TULP4: variants seen among roughly 807,000 people sequenced by gnomAD.
TULP4 encodes tubby-related protein 4.
Under a neutral mutation model 129.0 loss-of-function variants are expected in TULP4, and 16 were observed. That is an observed-to-expected ratio of 0.12 (90% CI 0.08 to 0.19). The LOEUF is 0.19. Among genes scored for constraint, TULP4 ranks in the 10% least tolerant of loss-of-function variants. The probability of loss-of-function intolerance (pLI) is 1.00; values close to 1 mark genes in which losing one functional copy is unlikely to be tolerated. For missense variants in TULP4, 1,842 were observed against 2,059.1 expected, an observed-to-expected ratio of 0.89 and a Z score of 2.04; for synonymous variants, 998 against 854.0, an observed-to-expected ratio of 1.17 and a Z score of -2.94.
At chr6:158,295,003 G>A (rs1218747585) in intron 1 of TULP4, among the ~76,000 whole-genome samples, 1 of 152,194 alleles carries the variant, frequency 6.6e-6, no homozygotes, top group Admixed American at 6.5e-5. Context: ...GAGCCACCTT[G>A]CCTGGCTTCC....
At chr6:158,440,727 T>C (rs576662560) in intron 3 of TULP4, among the ~76,000 whole-genome samples, 2 of 152,366 alleles carry the variant, frequency 1.3e-5, no homozygotes, top group South Asian at 2.1e-4. Flanking sequence ...CCTTCAGGGC[T>C]ATCTTTATCC....
intron 5 of TULP4, among the ~76,000 whole-genome samples, chr6:158,457,632 TC>T (rs1779322304): frequency 2.0e-5 from 3 of 152,208 alleles, no homozygotes; most frequent in Admixed American, 6.5e-5. Flanking sequence ...AGCCAGTTCA[TC>T]CCTCAGTGGC....
chr6:158,385,257 A>C (rs1010665092), intron 1 of TULP4, among the ~76,000 whole-genome samples: 4 of 152,218 alleles, frequency 2.6e-5, no homozygotes, highest in African/African-American at 9.6e-5. Context: ...AGTTTATTAC[A>C]AGTAAAACAT....
chr6:158,426,225 C>G (rs2115047991), intron 2 of TULP4, among the ~76,000 whole-genome samples: 1 of 152,148 alleles, frequency 6.6e-6, no homozygotes, highest in East Asian at 1.9e-4. Context: ...CTCTTTAGTT[C>G]AACTAGATCT....
At chr6:158,452,098 TTCCC>T in intron 4 of TULP4, 32 bp from the exon 5 acceptor site, 1 of 1,608,816 alleles carries the variant, frequency 6.2e-7, no homozygotes, top group Non-Finnish European at 8.5e-7. Context: ...GGTGGTGTGC[TTCCC>T]TCCTTTTCAC....
intron 9 of TULP4, among the ~76,000 whole-genome samples, chr6:158,491,826 A>G (rs866830385): frequency 5.4e-5 from 8 of 149,170 alleles, no homozygotes. Context: ...CTTTAGAGCA[A>G]TCACTACAGG....
chr6:158,292,214 G>C (rs1191731349), intron 1 of TULP4, among the ~76,000 whole-genome samples: 1 of 152,194 alleles, frequency 6.6e-6, no homozygotes, highest in Non-Finnish European at 1.5e-5. Context: ...TGTACCTAGA[G>C]GTTGGACCAA....
rs150125620 is a variant in TULP4, at chr6:158,506,768, C to T, written c.*74C>T. 1,599 of 1,065,894 alleles carry T rather than the reference C, an allele frequency of 1.5e-3. 1 individual carries two copies. Among genetic ancestry groups the T allele is most frequent in the Non-Finnish European group, 1.9e-3 (1,328 of 698,164 alleles). The allele number at this position is 1,065,894 out of a possible 1,614,324, so 66.0% of individuals were successfully genotyped here. ...TCTTCGGAGATGCCAGAGGAGCCCT[C>T]TAGGGGTCCGATGCCTGGGAGGACC... On this transcript the variant is annotated 3_prime_UTR_variant, in exon 14 of 14. Coordinates refer to ENST00000367097, the MANE Select transcript of TULP4 (RefSeq NM_020245.5).
intron 1 of TULP4, among the ~76,000 whole-genome samples, chr6:158,319,538 A>G (rs906753951): frequency 3.3e-5 from 5 of 152,224 alleles, no homozygotes; most frequent in Non-Finnish European, 7.3e-5. Flanking sequence ...CCACGGAACT[A>G]ACTAAATTGA....
intron 3 of TULP4, among the ~76,000 whole-genome samples, chr6:158,432,904 G>A (rs1033036251): frequency 3.3e-5 from 5 of 152,138 alleles, no homozygotes; most frequent in African/African-American, 1.2e-4. Flanking sequence ...AGACATCGTG[G>A]CACATCACCC....
chr6:158,277,086 C>T lies in TULP4; in HGVS notation n.69-34965C>T, dbSNP rs945574165. Among the ~76,000 whole-genome samples, 4 of 152,074 alleles carry T rather than the reference C, an allele frequency of 2.6e-5. No individual in the cohort carries two copies. The South Asian group carries it at 6.2e-4, about 24-fold the overall frequency. ...TCCCAAGTAGCTGGGACTACAGGCG[C>T]GTGCTACCACACCTGGCTAATTTTT... On this transcript the variant is annotated intron_variant and non_coding_transcript_variant, in intron 1 of 1. Coordinates refer to the TULP4 transcript ENST00000620026.
intron 11 of TULP4, among the ~76,000 whole-genome samples, chr6:158,497,893 G>A (rs568659865): frequency 5.9e-5 from 9 of 152,238 alleles, no homozygotes; most frequent in Admixed American, 5.9e-4. Context: ...TGTGCTACCT[G>A]TCTCACAGGA....
chr6:158,437,057 G>C (rs1358501469), intron 3 of TULP4, among the ~76,000 whole-genome samples: 2 of 152,144 alleles, frequency 1.3e-5, no homozygotes, highest in Non-Finnish European at 2.9e-5. Context: ...AGATCATTTG[G>C]GGAGAGAAGC....
At chr6:158,246,878 A>G (rs1469630184) in intron 1 of TULP4, among the ~76,000 whole-genome samples, 1 of 152,222 alleles carries the variant, frequency 6.6e-6, no homozygotes, top group Non-Finnish European at 1.5e-5. Context: ...AAGCTCCAAC[A>G]GTAATGGTGT....
chr6:158,426,675 T>A (rs573867723), intron 2 of TULP4, among the ~76,000 whole-genome samples: 6 of 152,330 alleles, frequency 3.9e-5, no homozygotes, highest in Non-Finnish European at 7.3e-5. Flanking sequence ...TTTGTTCTTT[T>A]TGCTTAGGAT....
intron 6 of TULP4, among the ~76,000 whole-genome samples, chr6:158,463,649 A>T (rs13209878): frequency 0.014 from 1,923 of 137,788 alleles, 11 homozygotes; most frequent in Admixed American, 0.02. Context: ...GTATAATAAA[A>T]ATATATATAT....
intron 2 of TULP4, among the ~76,000 whole-genome samples, chr6:158,418,016 C>G (rs1778250105): frequency 6.6e-6 from 1 of 151,900 alleles, no homozygotes; most frequent in African/African-American, 2.4e-5. Context: ...TGCCTGAGAA[C>G]TCTTTAGTAA....
intron 2 of TULP4, among the ~76,000 whole-genome samples, chr6:158,415,265 T>C (rs189908211): frequency 6.6e-6 from 1 of 152,242 alleles, no homozygotes; most frequent in East Asian, 1.9e-4. Flanking sequence ...ATGCCATTAG[T>C]ACAGTCCATA....
intron 1 of TULP4, among the ~76,000 whole-genome samples, chr6:158,317,904 A>G (rs1042561094): frequency 6.6e-6 from 1 of 152,194 alleles, no homozygotes; most frequent in Non-Finnish European, 1.5e-5. Flanking sequence ...TTCTCTGATG[A>G]CCAGTGATGA....
Sources: gnomAD v4.1 joint callset for allele counts (sites outside exome capture counted in the v4.1 genomes callset) on GRCh38, gnomAD v4.1.1 for gene constraint, MANE v1.5 for transcripts, NCBI Gene and HGNC (gene_info 2026-07-23, HGNC 2026-07-21) for gene names.